The following BANK1 variants were observed in gnomAD, a reference collection of about 807,000 sequenced individuals.
BANK1 encodes the protein B-cell scaffold protein with ankyrin repeats.
A neutral mutation model predicts 94.5 loss-of-function variants in BANK1; 95 were observed. The ratio of observed to expected loss-of-function variants is 1.00; its 90% CI spans 0.85 to 1.19. The LOEUF is 1.19. BANK1 is among the 50% of genes most tolerant of loss of function. BANK1 has a pLI of 0.00. For synonymous variants in BANK1, 334 were observed against 308.4 expected (o/e 1.08, Z -0.87); for missense variants, 987 against 932.2 (o/e 1.06, Z -0.77).
rs1376724746 is a variant in BANK1, at chr4:101,881,303, A to G, written c.903+10659A>G. ...AGACATTTCTCAAAAGAAGACGTACAGATGGCAAACAGGCATACAAAAAGG... is the reference window on the plus strand; with the variant it reads ...AGACATTTCTCAAAAGAAGACGTACGGATGGCAAACAGGCATACAAAAAGG... On this transcript the variant is annotated intron_variant, in intron 5 of 16. Coordinates refer to ENST00000322953, the MANE Select transcript of BANK1 (RefSeq NM_017935.5). Among the ~76,000 whole-genome samples, 6 of 152,186 alleles carry G rather than the reference A, an allele frequency of 3.9e-5. No homozygotes were observed. In the East Asian group the frequency reaches 1.2e-3, roughly 29 times the overall value.
chr4:101,861,701 A>G (rs918356806), intron 3 of BANK1, among the ~76,000 whole-genome samples: 2 of 151,682 alleles, frequency 1.3e-5, no homozygotes, highest in African/African-American at 4.8e-5. Flanking sequence ...GTCTTTCTGT[A>G]TGTCTTTGTG....
chr4:101,906,948 A>G (rs1040346471), intron 6 of BANK1, among the ~76,000 whole-genome samples: 3 of 152,226 alleles, frequency 2.0e-5, no homozygotes, highest in Non-Finnish European at 4.4e-5. Context: ...GAAGTGGGAA[A>G]TCAGGGGTCT....
chr4:102,050,796 G>C (rs1382563825), intron 11 of BANK1, among the ~76,000 whole-genome samples: 4 of 143,726 alleles, frequency 2.8e-5, no homozygotes, highest in Non-Finnish European at 6.0e-5. Context: ...GGGATATAGA[G>C]TCAGGTTATG....
intron 9 of BANK1, among the ~76,000 whole-genome samples, chr4:102,027,477 G>A (rs1727142887): frequency 6.6e-6 from 1 of 152,006 alleles, no homozygotes; most frequent in East Asian, 1.9e-4. Context: ...TCTTTTGATA[G>A]TACTGATATT....
chr4:102,064,889 C>A lies in BANK1; in HGVS notation c.2212+1751C>A, dbSNP rs148964965. On this transcript the variant is annotated intron_variant, in intron 13 of 16. Coordinates refer to ENST00000322953, the MANE Select transcript of BANK1 (RefSeq NM_017935.5). ...AACTGAGAAGACAGAGATCTTAGTTCAGGGCAGCTGAAGCTGCTAGAATAT... is the reference window on the plus strand; with the variant it reads ...AACTGAGAAGACAGAGATCTTAGTTAAGGGCAGCTGAAGCTGCTAGAATAT... Among the ~76,000 whole-genome samples the A allele has an allele frequency of 5.8e-3, 877 of 152,258 alleles. 11 individuals carry two copies. The highest frequency in any genetic ancestry group is 0.02 in the African/African-American group (816 of 41,544).
intron 14 of BANK1, 22 bp downstream of exon 14, chr4:102,071,326 AAGGAT>A (rs1728752760): frequency 1.9e-6 from 3 of 1,610,298 alleles, no homozygotes; most frequent in Non-Finnish European, 2.5e-6. Flanking sequence ...GTATTTATTG[AAGGAT>A]CTAAGACTAA....
intron 8 of BANK1, among the ~76,000 whole-genome samples, chr4:102,023,290 C>CA (rs1276729169): frequency 1.3e-5 from 2 of 151,988 alleles, no homozygotes; most frequent in African/African-American, 4.8e-5. Context: ...TTGCAGGACA[C>CA]AAAAAATGCT....
chr4:101,962,255 C>A (rs1248889161), intron 7 of BANK1, among the ~76,000 whole-genome samples: 1 of 152,152 alleles, frequency 6.6e-6, no homozygotes, highest in African/African-American at 2.4e-5. Context: ...TCCATCTTAG[C>A]CCCACGGCAT....
intron 13 of BANK1, among the ~76,000 whole-genome samples, chr4:102,066,180 C>A (rs1728584765): frequency 6.6e-6 from 1 of 150,678 alleles, no homozygotes; most frequent in Admixed American, 6.6e-5. Flanking sequence ...AGAGAAAACA[C>A]ACGTTACATA....
Position 102,058,059 on chromosome 4 carries a change from T to G in BANK1, c.1970-2152T>G, listed in dbSNP as rs544277226. Among the ~76,000 whole-genome samples the G allele has an allele frequency of 1.1e-3, 173 of 152,286 alleles. 1 individual carries two copies. The highest frequency in any genetic ancestry group is 3.8e-3 in the African/African-American group (160 of 41,578). On this transcript the variant is annotated intron_variant, in intron 11 of 16. Transcript: ENST00000322953. ...ACTTTCTATGTTGCCACAATCTTTA[T>G]TTTTTAAATGACTACGTGATTTTTA... is the stretch of plus-strand genomic sequence containing the variant.
At chr4:101,964,156 G>T (rs532454136) in intron 7 of BANK1, among the ~76,000 whole-genome samples, 6 of 152,146 alleles carry the variant, frequency 3.9e-5, no homozygotes, top group African/African-American at 1.4e-4. Flanking sequence ...AATATATCAA[G>T]TCTGGAGCCT....
At chr4:101,823,231 A>G (rs150555774) in intron 1 of BANK1, among the ~76,000 whole-genome samples, 3 of 152,222 alleles carry the variant, frequency 2.0e-5, no homozygotes, top group African/African-American at 7.2e-5. Flanking sequence ...GTTCTCAACC[A>G]TGATATCTAT....
chr4:101,873,463 A>G (rs1442590782), intron 5 of BANK1, among the ~76,000 whole-genome samples: 2 of 152,154 alleles, frequency 1.3e-5, no homozygotes, highest in African/African-American at 2.4e-5. Context: ...TGCAGGATTT[A>G]AGTTTCAGCA....
chr4:102,047,330 A>G (rs547880671), intron 11 of BANK1, among the ~76,000 whole-genome samples: 2 of 152,150 alleles, frequency 1.3e-5, no homozygotes, highest in Non-Finnish European at 2.9e-5. Context: ...TTATTCTCTC[A>G]TGAAACACTT....
chr4:101,949,839 C>A (rs1042069423), intron 7 of BANK1, among the ~76,000 whole-genome samples: 2 of 152,210 alleles, frequency 1.3e-5, no homozygotes, highest in East Asian at 3.9e-4. Context: ...GCCTAAATTT[C>A]TTTATCAATA....
chr4:102,044,794 AT>A (rs1472383039), intron 11 of BANK1, among the ~76,000 whole-genome samples: 4 of 90,328 alleles, frequency 4.4e-5, no homozygotes, highest in Non-Finnish European at 8.8e-5. Flanking sequence ...GATGGTGAGC[AT>A]TTTTTCATGT....
chr4:101,906,019 C>T (rs947835681), intron 6 of BANK1, among the ~76,000 whole-genome samples: 1 of 152,192 alleles, frequency 6.6e-6, no homozygotes, highest in Non-Finnish European at 1.5e-5. Flanking sequence ...ACCAATTGTG[C>T]ATCTAAACCA....
At chr4:102,010,484 C>G (rs1300551440) in intron 7 of BANK1, among the ~76,000 whole-genome samples, 2 of 150,718 alleles carry the variant, frequency 1.3e-5, no homozygotes, top group Non-Finnish European at 3.0e-5. Context: ...CTTCCGCCTC[C>G]CGGGTTCCAG....
chr4:101,919,062 TATC>T (rs1722919325), intron 7 of BANK1, among the ~76,000 whole-genome samples: 2 of 152,128 alleles, frequency 1.3e-5, no homozygotes. Context: ...TTTAACTAGT[TATC>T]ATTCTTTATC....
Sources: allele counts gnomAD v4.1 joint callset (sites outside exome capture counted in the v4.1 genomes callset), GRCh38; gene constraint gnomAD v4.1.1; transcripts MANE v1.5; gene names NCBI Gene and HGNC (gene_info 2026-07-23, HGNC 2026-07-21).